The following PRKCH variants were observed in gnomAD, a reference collection of about 807,000 sequenced individuals.
PRKCH encodes protein kinase C eta, also known as protein kinase C eta type.
PRKCH carries 28 observed loss-of-function variants against 82.5 expected under a neutral mutation model. The ratio of observed to expected loss-of-function variants is 0.34; its 90% confidence interval spans 0.25 to 0.47. The LOEUF (loss-of-function observed/expected upper bound fraction) is 0.47, where lower values mean the gene tolerates loss of function less well. PRKCH is among the 20% of genes least tolerant of loss of function. The probability of loss-of-function intolerance (pLI) is 1.00; values close to 1 mark genes in which losing one functional copy is unlikely to be tolerated. For missense variants in PRKCH, 705 were observed against 881.8 expected, an observed-to-expected ratio of 0.80 and a Z score of 2.54; for synonymous variants, 322 against 327.4, an observed-to-expected ratio of 0.98 and a Z score of 0.18.
intron 10 of PRKCH, among the ~76,000 whole-genome samples, chr14:61,496,767 C>T (rs546315656): frequency 1.4e-4 from 22 of 152,288 alleles, no homozygotes; most frequent in Non-Finnish European, 2.4e-4. Flanking sequence ...TCAAATTCTA[C>T]GCTTTTTTTA....
Position 61,446,439 on chromosome 14 carries a change from C to A in PRKCH, c.613+713C>A, listed in dbSNP as rs188989815. ...ATCACATAGTTTATACACATGGTAC[C>A]TGTTTCACTATGTGGATGATTGATA... On this transcript the variant is annotated intron_variant, in intron 4 of 13. Coordinates refer to ENST00000332981, the MANE Select transcript of PRKCH (RefSeq NM_006255.5). Among the ~76,000 whole-genome samples, 112 of 152,340 alleles carry A rather than the reference C, an allele frequency of 7.4e-4. 1 individual carries two copies. Among genetic ancestry groups the A allele is most frequent in the Admixed American group, 4.6e-3 (71 of 15,306 alleles).
chr14:61,209,615 C>T (rs1056654254), intron 1 of PRKCH, among the ~76,000 whole-genome samples: 3 of 152,104 alleles, frequency 2.0e-5, no homozygotes, highest in Admixed American at 1.3e-4. Context: ...CCATAGTGAT[C>T]ATATGATCCA....
At chr14:61,497,919 G>C (rs1175796028) in intron 10 of PRKCH, among the ~76,000 whole-genome samples, 1 of 152,160 alleles carries the variant, frequency 6.6e-6, no homozygotes, top group Non-Finnish European at 1.5e-5. Flanking sequence ...GTTGTTGTCT[G>C]AGGTAATATA....
chr14:61,212,092 C>T (rs971298644), intron 1 of PRKCH, among the ~76,000 whole-genome samples: 17 of 152,350 alleles, frequency 1.1e-4, no homozygotes, highest in Admixed American at 9.8e-4. Context: ...AGGCTCACCA[C>T]TTCTGCTTTA....
chr14:61,495,664 C>T (rs1028887078), intron 10 of PRKCH, among the ~76,000 whole-genome samples: 4 of 152,118 alleles, frequency 2.6e-5, no homozygotes, highest in Non-Finnish European at 2.9e-5. Flanking sequence ...TTGTTCTTTC[C>T]GTTAACAAAT....
chr14:61,322,648 A>C, intron 1 of PRKCH, 184 bp downstream of exon 1: 3 of 785,718 alleles, frequency 3.8e-6, no homozygotes, highest in African/African-American at 1.7e-5. Context: ...GTGCAGGCGC[A>C]GGTGTGTCTC....
At chr14:61,503,696 C>T (rs1366952841) in intron 10 of PRKCH, among the ~76,000 whole-genome samples, 3 of 152,124 alleles carry the variant, frequency 2.0e-5, no homozygotes, top group Admixed American at 6.5e-5. Flanking sequence ...TGTTCTGTGG[C>T]ACTGGGAAAG....
chr14:61,544,543 G>A (rs2043229395), intron 12 of PRKCH: 1 of 152,118 alleles, frequency 6.6e-6, no homozygotes, highest in Admixed American at 6.5e-5. Flanking sequence ...CAATGTCTCT[G>A]AGCGTTAGAT....
chr14:61,321,903 C>T lies in PRKCH; in HGVS notation c.-199C>T, dbSNP rs2045629679. 1.8e-6 allele frequency: 1 copy of T among 547,704 alleles called. No individual in the cohort carries two copies. Among genetic ancestry groups the T allele is most frequent in the Admixed American group, 3.3e-5 (1 of 30,040 alleles). 33.9% of individuals were successfully genotyped at this position (547,704 alleles called of 1,614,324 possible). ...CGGCGGCGGGCTCCCCTCCTTTCCACCTCGGGAGGGAGGGAAGGAGGGGAG... is the reference window on the plus strand; with the variant it reads ...CGGCGGCGGGCTCCCCTCCTTTCCATCTCGGGAGGGAGGGAAGGAGGGGAG... On this transcript the variant is annotated 5_prime_UTR_variant, in exon 1 of 14. Coordinates refer to ENST00000332981, the MANE Select transcript of PRKCH (RefSeq NM_006255.5). The surrounding 1 kb of genome is among the most constrained non-coding windows in gnomAD (Gnocchi z 4.1).
chr14:61,519,449 T>A (rs2042874731), intron 10 of PRKCH, among the ~76,000 whole-genome samples: 1 of 151,704 alleles, frequency 6.6e-6, no homozygotes, highest in Non-Finnish European at 1.5e-5. Flanking sequence ...CAAATAGGAG[T>A]CATTTTTGTC....
At chr14:61,523,408 G>T (rs2139996673) in intron 10 of PRKCH, among the ~76,000 whole-genome samples, 1 of 152,266 alleles carries the variant, frequency 6.6e-6, no homozygotes, top group East Asian at 1.9e-4. Context: ...AATCTATCCG[G>T]GGGATTGGCC....
chr14:61,313,665 G>T (rs1008323099), intron 1 of PRKCH, among the ~76,000 whole-genome samples: 1 of 152,136 alleles, frequency 6.6e-6, no homozygotes, highest in Non-Finnish European at 1.5e-5. Context: ...CCATGTGGCT[G>T]GGGGGTGCCT....
At chr14:61,367,391 G>T (rs1000275448) in intron 1 of PRKCH, among the ~76,000 whole-genome samples, 3 of 145,928 alleles carry the variant, frequency 2.1e-5, no homozygotes, top group Non-Finnish European at 4.5e-5. Flanking sequence ...TGTGTCAGAG[G>T]TCAGCCCTGA....
In PRKCH at chr14:61,280,773, G is replaced by A. The variant is rs1433956874; in HGVS notation, c.-19+93105G>A. ...TCAGCTGCGCGTCGTCGCGGGACAC[G>A]CCGTAGCGCCGGTTGTTCTGGTAGA... On this transcript the variant is annotated intron_variant, in intron 1 of 3. Coordinates refer to the PRKCH transcript ENST00000555185. The surrounding 1 kb of genome is among the most constrained non-coding windows in gnomAD (Gnocchi z 5.0). 8 of 1,554,102 alleles carry A rather than the reference G, an allele frequency of 5.1e-6. No individual in the cohort carries two copies. The highest frequency in any genetic ancestry group is 1.9e-5 in the Admixed American group (1 of 52,300).
chr14:61,422,246 G>A (rs1308835228), intron 2 of PRKCH, among the ~76,000 whole-genome samples: 1 of 152,104 alleles, frequency 6.6e-6, no homozygotes, highest in Non-Finnish European at 1.5e-5. Context: ...ACCATGCCCA[G>A]CTAAATATTT....
At chr14:61,210,754 T>TTCTCTCTCTCTC (rs57385240) in intron 1 of PRKCH, among the ~76,000 whole-genome samples, 19 of 144,316 alleles carry the variant, frequency 1.3e-4, no homozygotes, top group African/African-American at 4.2e-4. Context: ...CAAGAGTCCT[T>TTCTCTCTCTCTC]TCTCTCTCTC....
At chr14:61,259,089 T>A (rs932023465) in intron 1 of PRKCH, among the ~76,000 whole-genome samples, 1 of 152,240 alleles carries the variant, frequency 6.6e-6, no homozygotes, top group African/African-American at 2.4e-5. Flanking sequence ...TGTCTTCTAA[T>A]GCACTATAAA....
At chr14:61,243,491 C>T (rs2044857938) in intron 1 of PRKCH, among the ~76,000 whole-genome samples, 1 of 151,542 alleles carries the variant, frequency 6.6e-6, no homozygotes, top group African/African-American at 2.4e-5. Context: ...GAGCCTGAGG[C>T]ATACAGTATA....
At chr14:61,321,523 G>A (rs112223581), upstream of PRKCH, among the ~76,000 whole-genome samples, 2 of 152,264 alleles carry the variant, frequency 1.3e-5, no homozygotes, top group African/African-American at 4.8e-5. The surrounding 1 kb of genome is among the most constrained non-coding windows in gnomAD (Gnocchi z 4.1). Flanking sequence ...CCGGGCCGCG[G>A]ACCGCGGGCC....
Sources: allele counts gnomAD v4.1 joint callset (sites outside exome capture counted in the v4.1 genomes callset), GRCh38; gene constraint gnomAD v4.1.1; non-coding constraint Gnocchi (gnomAD v3.1); transcripts MANE v1.5; gene names NCBI Gene and HGNC (gene_info 2026-07-23, HGNC 2026-07-21).